Variants in RAD52 observed in about 807,000 individuals in gnomAD.
RAD52 encodes RAD52 DNA repair protein, also known as DNA repair protein RAD52 homolog.
In RAD52, 47 loss-of-function variants were observed where a neutral mutation model predicts 55.5. That is an observed-to-expected ratio of 0.85 (90% CI 0.67 to 1.08). The LOEUF (loss-of-function observed/expected upper bound fraction) is 1.08, where lower values mean the gene tolerates loss of function less well. Among genes scored for constraint, RAD52 ranks in the 50% least tolerant of loss-of-function variants. RAD52 has a pLI of 0.00. For synonymous variants in RAD52, 184 were observed against 198.9 expected (o/e 0.92, Z 0.63); for missense variants, 468 against 522.8 (o/e 0.90, Z 1.02).
At chr12:978,045 GA>G (rs957027080) in intron 1 of RAD52, among the ~76,000 whole-genome samples, 4 of 152,192 alleles carry the variant, frequency 2.6e-5, no homozygotes, top group African/African-American at 9.7e-5. Flanking sequence ...TATTTTTAAT[GA>G]TTCCAGGCCA....
intron 1 of RAD52, among the ~76,000 whole-genome samples, chr12:941,588 G>A (rs1957923564): frequency 6.6e-6 from 1 of 151,418 alleles, no homozygotes; most frequent in Non-Finnish European, 1.5e-5. Context: ...AAATTGCTGG[G>A]ATTACAGGTG....
At chr12:945,821 G>A (rs1220039846) in intron 1 of RAD52, among the ~76,000 whole-genome samples, 3 of 148,792 alleles carry the variant, frequency 2.0e-5, no homozygotes, top group East Asian at 2.1e-4. Flanking sequence ...TCAGGAGTTC[G>A]AGACCAGCCC....
At chr12:919,272 C>G (rs1283133814) in intron 7 of RAD52, among the ~76,000 whole-genome samples, 1 of 152,016 alleles carries the variant, frequency 6.6e-6, no homozygotes, top group African/African-American at 2.4e-5. Context: ...ATGGCGAAAC[C>G]CCATTTCTAC....
intron 1 of RAD52, among the ~76,000 whole-genome samples, chr12:948,389 G>T (rs1409005851): frequency 1.3e-5 from 2 of 152,192 alleles, no homozygotes; most frequent in African/African-American, 4.8e-5. Flanking sequence ...TAAAACCACT[G>T]AATTGCACAC....
At chr12:917,256 G>A (rs1279446589) in intron 7 of RAD52, among the ~76,000 whole-genome samples, 2 of 152,196 alleles carry the variant, frequency 1.3e-5, no homozygotes. Context: ...CCCTTCAAAC[G>A]ACAGAGGGAA....
intron 2 of RAD52, among the ~76,000 whole-genome samples, chr12:931,871 T>C (rs1216067371): frequency 2.0e-5 from 3 of 152,222 alleles, no homozygotes. Context: ...TTTCCCATCC[T>C]GCACAAACAG....
chr12:980,168 C>T (rs1018635657), intron 1 of RAD52, among the ~76,000 whole-genome samples: 10 of 150,670 alleles, frequency 6.6e-5, no homozygotes, highest in Non-Finnish European at 1.3e-4. Flanking sequence ...CCAGCCTGGG[C>T]GACAGAGTGA....
rs550803115 is a variant in RAD52 at position 920,209 on chromosome 12, T to A, written c.544-3389A>T. 4.0e-3 allele frequency among the ~76,000 whole-genome samples: 404 copies of A among 99,804 alleles called. 103 individuals are homozygous for A. The highest frequency in any genetic ancestry group is 0.017 in the African/African-American group (383 of 22,902). The allele number at this position is 99,804 out of a possible 152,430, so 65.5% of individuals were successfully genotyped here. On this transcript the variant is annotated intron_variant, in intron 7 of 11. Coordinates refer to ENST00000358495, the MANE Select transcript of RAD52 (RefSeq NM_134424.4). ...TCTAGCCTGGGCGGCAGAGCAAGACTCCGTCTCAAAAAAAAAAAAAAAATT... is the reference window on the plus strand; with the variant it reads ...TCTAGCCTGGGCGGCAGAGCAAGACACCGTCTCAAAAAAAAAAAAAAAATT...
At position 930,163 on chromosome 12, in the gene RAD52, T is replaced by TTC; in HGVS notation, c.187-20_187-19insGA. The TTC allele has an allele frequency of 1.3e-6, 2 of 1,576,330 alleles. No individual in the cohort carries two copies. Among genetic ancestry groups the TTC allele is most frequent in the Non-Finnish European group, 1.7e-6 (2 of 1,151,100 alleles). On this transcript the variant is annotated intron_variant, in intron 3 of 11. Coordinates refer to ENST00000358495, the MANE Select transcript of RAD52 (RefSeq NM_134424.4). ...AGCACACCTAGAAAAACAAATGTTT[T>TTC]TAAGGAAAAGCTGTGTTAATTCCTT...
intron 9 of RAD52, among the ~76,000 whole-genome samples, chr12:915,708 TG>T (rs1248209763): frequency 8.0e-6 from 1 of 125,288 alleles, no homozygotes; most frequent in African/African-American, 2.8e-5. Context: ...ACACAAGGCT[TG>T]TTTTTTTTTT....
chr12:989,090 T>A (rs1168031175), intron 1 of RAD52, among the ~76,000 whole-genome samples: 2 of 152,198 alleles, frequency 1.3e-5, no homozygotes, highest in Non-Finnish European at 2.9e-5. Context: ...TGCTTAATTT[T>A]AGCCTGGATA....
chr12:931,093 A>C, intron 3 of RAD52, 127 bp downstream of exon 3: 1 of 676,276 alleles, frequency 1.5e-6, no homozygotes, highest in Admixed American at 2.9e-5. Flanking sequence ...TCCCAGGGGC[A>C]CTGGGAGACC....
chr12:942,530 C>T (rs1445543370), intron 1 of RAD52, among the ~76,000 whole-genome samples: 2 of 152,104 alleles, frequency 1.3e-5, no homozygotes. Flanking sequence ...GGGTGGATCA[C>T]AAGGTCAAGA....
At chr12:969,663 C>T (rs1486437519) in intron 1 of RAD52, among the ~76,000 whole-genome samples, 2 of 151,556 alleles carry the variant, frequency 1.3e-5, no homozygotes, top group African/African-American at 4.9e-5. Context: ...TGCTGTCATG[C>T]TCCTGTAGTC....
chr12:979,111 G>C (rs1446974365), intron 1 of RAD52, among the ~76,000 whole-genome samples: 2 of 152,120 alleles, frequency 1.3e-5, no homozygotes, highest in African/African-American at 4.8e-5. Flanking sequence ...CAATGTGCCT[G>C]TATTTGGAGA....
At chr12:977,229 T>G (rs1958945562) in intron 1 of RAD52, 1 of 152,282 alleles carries the variant, frequency 6.6e-6, no homozygotes, top group Admixed American at 6.5e-5. Flanking sequence ...CGTCTCTTCC[T>G]CTTGTCCCTC....
chr12:941,219 G>C (rs1401500433), intron 1 of RAD52, among the ~76,000 whole-genome samples: 1 of 152,138 alleles, frequency 6.6e-6, no homozygotes, highest in Admixed American at 6.6e-5. Context: ...TGATGCAAAT[G>C]ATGGCTCCAT....
At chr12:949,068 T>C (rs2154119581) in intron 1 of RAD52, among the ~76,000 whole-genome samples, 1 of 152,110 alleles carries the variant, frequency 6.6e-6, no homozygotes, top group East Asian at 1.9e-4. Context: ...TTTTATTTTT[T>C]CCCCCGTGAC....
intron 1 of RAD52, among the ~76,000 whole-genome samples, chr12:962,953 T>C (rs1396285039): frequency 6.6e-6 from 1 of 152,206 alleles, no homozygotes; most frequent in Non-Finnish European, 1.5e-5. Flanking sequence ...CGTTTTGCCA[T>C]GTTGCCCAGG....
Sources: gnomAD v4.1 joint callset for allele counts (sites outside exome capture counted in the v4.1 genomes callset) on GRCh38, gnomAD v4.1.1 for gene constraint, MANE v1.5 for transcripts, NCBI Gene and HGNC (gene_info 2026-07-23, HGNC 2026-07-21) for gene names.